Variants in DIAPH2 observed in about 807,000 individuals in gnomAD.
The protein encoded by DIAPH2 is diaphanous related formin 2, also known as protein diaphanous homolog 2.
Under a neutral mutation model 92.7 loss-of-function variants are expected in DIAPH2, and 35 were observed. That is an observed-to-expected ratio of 0.38 (90% confidence interval 0.29 to 0.50). The LOEUF is 0.50. Among genes scored for constraint, DIAPH2 ranks in the 20% least tolerant of loss-of-function variants. DIAPH2 has a pLI of 0.94. For missense variants in DIAPH2, 701 were observed against 819.5 expected, an observed-to-expected ratio of 0.86 and a Z score of 1.77; for synonymous variants, 301 against 280.4, an observed-to-expected ratio of 1.07 and a Z score of -0.73.
intron 17 of DIAPH2, among the ~76,000 whole-genome samples, chrX:97,025,918 T>G (rs1202827396): frequency 8.9e-6 from 1 of 111,882 alleles, no homozygotes; most frequent in East Asian, 2.8e-4. Context: ...AATGTTGATA[T>G]CCTTGGACTC....
chrX:96,733,624 A>G (rs759905348), intron 1 of DIAPH2, among the ~76,000 whole-genome samples: 1 of 112,033 alleles, frequency 8.9e-6, no homozygotes, highest in African/African-American at 3.2e-5. Context: ...ACGTGACTTC[A>G]GTTTTCACAG....
chrX:97,133,518 C>G (rs1287594681), intron 21 of DIAPH2, among the ~76,000 whole-genome samples: 1 of 111,669 alleles, frequency 9.0e-6, no homozygotes, highest in African/African-American at 3.3e-5. Context: ...AACTCCTGAC[C>G]TCAAGTGATC....
chrX:97,410,419 A>G (rs2069857450), intron 25 of DIAPH2, among the ~76,000 whole-genome samples: 1 of 112,092 alleles, frequency 8.9e-6, no homozygotes, highest in Non-Finnish European at 1.9e-5. Flanking sequence ...ACCAGCGTCA[A>G]TGACCAAATG....
intron 1 of DIAPH2, among the ~76,000 whole-genome samples, chrX:96,734,793 A>G (rs964622624): frequency 1.8e-5 from 2 of 111,504 alleles, no homozygotes; most frequent in Non-Finnish European, 3.8e-5. Context: ...CTGAGATCCA[A>G]GCAATTTTCA....
intron 20 of DIAPH2, among the ~76,000 whole-genome samples, chrX:97,105,092 C>T (rs1399819856): frequency 9.0e-6 from 1 of 111,637 alleles, no homozygotes; most frequent in Non-Finnish European, 1.9e-5. Context: ...GATTGCACCA[C>T]TGCACTCCAG....
chrX:96,842,599 T>C (rs1017198585), intron 4 of DIAPH2, among the ~76,000 whole-genome samples: 3 of 112,339 alleles, frequency 2.7e-5, no homozygotes, highest in African/African-American at 9.7e-5. Context: ...TTTACAAATA[T>C]TATTTCATTT....
intron 23 of DIAPH2, among the ~76,000 whole-genome samples, chrX:97,292,133 A>T (rs2068596936): frequency 1.0e-5 from 1 of 96,302 alleles, no homozygotes; most frequent in African/African-American, 4.0e-5. Context: ...AGTGCAGTGG[A>T]TCCTCCTGCC....
intron 1 of DIAPH2, among the ~76,000 whole-genome samples, chrX:96,699,975 G>A (rs2063845745): frequency 9.0e-6 from 1 of 111,508 alleles, no homozygotes; most frequent in African/African-American, 3.3e-5. Context: ...TTTGATGCTG[G>A]TGACTTTTAA....
chrX:97,564,729 A>G (rs968035109), intron 26 of DIAPH2, among the ~76,000 whole-genome samples: 1 of 111,972 alleles, frequency 8.9e-6, no homozygotes, highest in African/African-American at 3.2e-5. Context: ...GCATTGCAGA[A>G]ACAAATGGGG....
chrX:96,960,202 A>G (rs925891429), intron 16 of DIAPH2, among the ~76,000 whole-genome samples: 3 of 111,226 alleles, frequency 2.7e-5, no homozygotes, highest in Non-Finnish European at 5.7e-5. Context: ...TTTGAGTTGT[A>G]TGGTCGTTTT....
intron 22 of DIAPH2, among the ~76,000 whole-genome samples, chrX:97,183,656 T>G (rs927151313): frequency 1.3e-4 from 15 of 112,185 alleles, no homozygotes; most frequent in African/African-American, 4.5e-4. Context: ...TTATTTCAGA[T>G]TTTGAACTGA....
intron 22 of DIAPH2, among the ~76,000 whole-genome samples, chrX:97,188,747 A>G (rs1381872160): frequency 8.9e-6 from 1 of 112,522 alleles, no homozygotes; most frequent in Non-Finnish European, 1.9e-5. Flanking sequence ...ACAATGCAAT[A>G]GAGCATTTTA....
At chrX:97,096,118 T>C (rs2066867455) in intron 19 of DIAPH2, among the ~76,000 whole-genome samples, 1 of 112,036 alleles carries the variant, frequency 8.9e-6, no homozygotes, top group African/African-American at 3.2e-5. Context: ...CAACTCACAG[T>C]TTGTAAGAAT....
chrX:96,884,612 C>A (rs775077220), intron 5 of DIAPH2: 12 of 1,210,163 alleles, frequency 9.9e-6, no homozygotes, highest in South Asian at 3.5e-5. Context: ...ACCGCGAAAC[C>A]AATCGAGGCC....
chrX:97,168,238 A>G (rs1423867871), intron 22 of DIAPH2, among the ~76,000 whole-genome samples: 1 of 109,038 alleles, frequency 9.2e-6, no homozygotes, highest in African/African-American at 3.4e-5. Context: ...GGCGGGTGCC[A>G]CCACTCCCAG....
chrX:97,027,114 T>C (rs2066340717), intron 17 of DIAPH2, among the ~76,000 whole-genome samples: 2 of 112,340 alleles, frequency 1.8e-5, no homozygotes, highest in African/African-American at 6.5e-5. Flanking sequence ...TTATTCATTC[T>C]GATGGTTATT....
At chrX:97,003,582 T>C (rs2066159586) in intron 17 of DIAPH2, among the ~76,000 whole-genome samples, 1 of 112,435 alleles carries the variant, frequency 8.9e-6, no homozygotes, top group Admixed American at 9.4e-5. Flanking sequence ...TTCATATCCC[T>C]GTTTGCTATT....
In DIAPH2 at chrX:96,700,069, C is replaced by T. The variant is rs1279593384; in HGVS notation, c.132+14879C>T. Reference sequence around the variant, plus strand: ...TACTGCCCAGGCTAGAGTGCAGTGGCGCAATCATGGCTCACTGCAGCCTCG... The same window carrying T: ...TACTGCCCAGGCTAGAGTGCAGTGGTGCAATCATGGCTCACTGCAGCCTCG... On this transcript the variant is annotated intron_variant, in intron 1 of 26. Transcript: ENST00000324765. Among the ~76,000 whole-genome samples the T allele has an allele frequency of 1.2e-4, 13 of 111,878 alleles. No individual in the cohort carries two copies. The East Asian group carries it at 1.7e-3, about 15-fold the overall frequency.
At chrX:97,027,109 C>T (rs1027501303) in intron 17 of DIAPH2, among the ~76,000 whole-genome samples, 1 of 111,967 alleles carries the variant, frequency 8.9e-6, no homozygotes, top group East Asian at 2.8e-4. Flanking sequence ...TCCTTTTATT[C>T]ATTCTGATGG....
Sources: allele counts gnomAD v4.1 joint callset (sites outside exome capture counted in the v4.1 genomes callset), GRCh38; gene constraint gnomAD v4.1.1; transcripts MANE v1.5; gene names NCBI Gene and HGNC (gene_info 2026-07-23, HGNC 2026-07-21).